Variants in EIPR1 observed in about 807,000 individuals in gnomAD.
EIPR1 encodes the protein EARP and GARP complex-interacting protein 1.
Under a neutral mutation model 48.1 loss-of-function variants are expected in EIPR1, and 25 were observed. The ratio of observed to expected loss-of-function variants is 0.52; its 90% CI spans 0.38 to 0.73. The LOEUF (loss-of-function observed/expected upper bound fraction) is 0.73. Among genes scored for constraint, EIPR1 ranks in the 30% least tolerant of loss-of-function variants. The pLI is 0.00. For missense variants in EIPR1, 415 were observed against 506.2 expected (o/e 0.82, Z 1.73); for synonymous variants, 204 against 201.9 (o/e 1.01, Z -0.09).
intron 2 of EIPR1, among the ~76,000 whole-genome samples, chr2:3,340,299 C>T (rs1482895737): frequency 2.0e-5 from 3 of 152,216 alleles, no homozygotes; most frequent in Non-Finnish European, 4.4e-5. Flanking sequence ...TAGAGCGGGC[C>T]GCCAGCACCG....
intron 5 of EIPR1, among the ~76,000 whole-genome samples, chr2:3,209,428 C>T (rs1008517898): frequency 1.3e-5 from 2 of 152,234 alleles, no homozygotes; most frequent in Non-Finnish European, 2.9e-5. Flanking sequence ...CAGGGAAGCT[C>T]GGACTCCGTG....
chr2:3,254,182 C>T (rs2103213426), intron 4 of EIPR1, among the ~76,000 whole-genome samples: 1 of 152,242 alleles, frequency 6.6e-6, no homozygotes, highest in Middle Eastern at 3.4e-3. Flanking sequence ...AATCAAATTC[C>T]CTATCTAATC....
intron 4 of EIPR1, 136 bp downstream of exon 4, chr2:3,257,163 A>T: frequency 9.1e-7 from 1 of 1,093,174 alleles, no homozygotes; most frequent in East Asian, 2.8e-5. Flanking sequence ...TTAAAAATCA[A>T]ATTCTCGCAG....
At chr2:3,225,529 C>T (rs534758699) in intron 4 of EIPR1, among the ~76,000 whole-genome samples, 11 of 152,262 alleles carry the variant, frequency 7.2e-5, no homozygotes, top group Admixed American at 3.9e-4. Flanking sequence ...TAGAGGCATG[C>T]GCCACCACGC....
At chr2:3,211,863 C>T (rs1414825280) in intron 5 of EIPR1, among the ~76,000 whole-genome samples, 1 of 152,262 alleles carries the variant, frequency 6.6e-6, no homozygotes, top group Non-Finnish European at 1.5e-5. Context: ...TGAATGAGCA[C>T]ACACAGACAC....
intron 3 of EIPR1, among the ~76,000 whole-genome samples, chr2:3,292,309 C>A (rs1213261787): frequency 6.6e-6 from 1 of 152,140 alleles, no homozygotes; most frequent in Non-Finnish European, 1.5e-5. Context: ...GATACTCGTA[C>A]AAAAAAGACC....
chr2:3,293,842 C>T (rs1040557512), intron 3 of EIPR1, among the ~76,000 whole-genome samples: 4 of 152,166 alleles, frequency 2.6e-5, no homozygotes, highest in Non-Finnish European at 2.9e-5. Flanking sequence ...TCGCCGAACA[C>T]GTTAATGTCT....
At chr2:3,334,844 GCTGC>G (rs1669997673) in intron 3 of EIPR1, among the ~76,000 whole-genome samples, 1 of 152,248 alleles carries the variant, frequency 6.6e-6, no homozygotes, top group African/African-American at 2.4e-5. Flanking sequence ...GAAGATCTAT[GCTGC>G]CTTCAAAGTC....
At chr2:3,219,111 C>T (rs575038675) in intron 4 of EIPR1, among the ~76,000 whole-genome samples, 1 of 149,566 alleles carries the variant, frequency 6.7e-6, no homozygotes, top group Non-Finnish European at 1.5e-5. Flanking sequence ...CAGGTGCACA[C>T]CCAGCATGGC....
At chr2:3,251,783 C>T (rs757499613) in intron 4 of EIPR1, among the ~76,000 whole-genome samples, 11 of 152,182 alleles carry the variant, frequency 7.2e-5, no homozygotes, top group East Asian at 1.9e-4. Context: ...ACATCCTCAA[C>T]GCTTACTGTC....
Position 3,317,706 on chromosome 2 carries a change from C to T in EIPR1, c.259+20311G>A, listed in dbSNP as rs539401266. On this transcript the variant is annotated intron_variant, in intron 3 of 8. Transcript: ENST00000382125. ...TGTGACTGTACTGGAGACAGAGCCTCTAAGGAGGTAACTAAGGTTAGAGGA... is the reference window on the plus strand; with the variant it reads ...TGTGACTGTACTGGAGACAGAGCCTTTAAGGAGGTAACTAAGGTTAGAGGA... Among the ~76,000 whole-genome samples, 6 of 152,338 alleles carry T rather than the reference C, an allele frequency of 3.9e-5. No homozygotes were observed. In the East Asian group the frequency reaches 5.8e-4, roughly 15 times the overall value.
At position 3,286,570 on chromosome 2, in the gene EIPR1, C is replaced by T. The variant is rs62121496; in HGVS notation, c.260-29115G>A. ...GTGTCTACCTTGGTGACTCTGGAAG[C>T]GTTTTCATAAGCACTTGTCATATGT... On this transcript the variant is annotated intron_variant, in intron 3 of 8. Coordinates refer to ENST00000382125, the MANE Select transcript of EIPR1 (RefSeq NM_003310.5). The surrounding 1 kb of genome is among the most constrained non-coding windows in gnomAD (Gnocchi z 4.2). Among the ~76,000 whole-genome samples the T allele has an allele frequency of 6.6e-6, 1 of 152,076 alleles. No homozygotes were observed. Among genetic ancestry groups the T allele is most frequent in the African/African-American group, 2.4e-5 (1 of 41,402 alleles).
intron 4 of EIPR1, among the ~76,000 whole-genome samples, chr2:3,253,510 G>T (rs12619831): frequency 0.66 from 100,480 of 152,010 alleles, 33,433 homozygotes; most frequent in East Asian, 0.81. Context: ...CAACGTCATC[G>T]CCGTTTCAGG....
At chr2:3,365,222 G>C (rs1670944343) in intron 1 of EIPR1, among the ~76,000 whole-genome samples, 1 of 151,842 alleles carries the variant, frequency 6.6e-6, no homozygotes, top group African/African-American at 2.4e-5. Context: ...AAGATTGCTT[G>C]AGCCCAAAAG....
intron 3 of EIPR1, among the ~76,000 whole-genome samples, chr2:3,310,525 C>A (rs907437211): frequency 6.2e-5 from 9 of 145,352 alleles, no homozygotes; most frequent in East Asian, 2.1e-4. Flanking sequence ...TAGTGGCGGG[C>A]GCCTGTAGTC....
intron 3 of EIPR1, among the ~76,000 whole-genome samples, chr2:3,260,274 T>C (rs964730422): frequency 1.3e-5 from 2 of 152,016 alleles, no homozygotes; most frequent in Non-Finnish European, 2.9e-5. Flanking sequence ...AGGCGGATCA[T>C]GAGGTCAGGA....
chr2:3,305,502 C>G (rs1465128690), intron 3 of EIPR1, among the ~76,000 whole-genome samples: 4 of 151,748 alleles, frequency 2.6e-5, no homozygotes, highest in African/African-American at 9.7e-5. Context: ...GCCCTCCACT[C>G]CTGTCCAGTT....
chr2:3,371,076 C>A (rs1671103488), intron 1 of EIPR1, among the ~76,000 whole-genome samples: 1 of 152,110 alleles, frequency 6.6e-6, no homozygotes, highest in Admixed American at 6.5e-5. Context: ...AGAGTAGGGG[C>A]CAATATTCAA....
intron 3 of EIPR1, among the ~76,000 whole-genome samples, chr2:3,280,325 G>A (rs1210810203): frequency 6.6e-6 from 1 of 152,222 alleles, no homozygotes; most frequent in Non-Finnish European, 1.5e-5. Context: ...CGCACACAGA[G>A]GAACTCGGAC....
Sources: allele counts gnomAD v4.1 joint callset (sites outside exome capture counted in the v4.1 genomes callset), GRCh38; gene constraint gnomAD v4.1.1; non-coding constraint Gnocchi (gnomAD v3.1); transcripts MANE v1.5; gene names NCBI Gene and HGNC (gene_info 2026-07-23, HGNC 2026-07-21).